ATP8A2: variants seen among roughly 807,000 people sequenced by gnomAD.
The protein encoded by ATP8A2 is ATPase phospholipid transporting 8A2, also known as phospholipid-transporting ATPase IB.
Under a neutral mutation model 165.6 loss-of-function variants are expected in ATP8A2, and 100 were observed. The ratio of observed to expected loss-of-function variants is 0.60; its 90% CI spans 0.51 to 0.71. The LOEUF is 0.71. Ranked by LOEUF, ATP8A2 falls within the 30% of genes least tolerant of loss-of-function variation. The pLI is 0.00. For missense variants in ATP8A2, 1,227 were observed against 1,479.5 expected (o/e 0.83, Z 2.80); for synonymous variants, 543 against 548.8 (o/e 0.99, Z 0.15).
At chr13:25,912,216 TAAAA>T (rs1954132899) in intron 33 of ATP8A2, among the ~76,000 whole-genome samples, 2 of 149,850 alleles carry the variant, frequency 1.3e-5, no homozygotes, top group African/African-American at 4.9e-5. Flanking sequence ...TCTTCAGCCT[TAAAA>T]AAGAGATTTA....
intron 29 of ATP8A2, among the ~76,000 whole-genome samples, chr13:25,838,787 G>A (rs192639642): frequency 2.1e-3 from 318 of 152,108 alleles, no homozygotes; most frequent in African/African-American, 7.0e-3. Context: ...CAAGATGGCC[G>A]AATAGGAATA....
chr13:25,923,473 A>C (rs943681392), intron 33 of ATP8A2, among the ~76,000 whole-genome samples: 1 of 152,102 alleles, frequency 6.6e-6, no homozygotes, highest in Non-Finnish European at 1.5e-5. Context: ...ACCTTTTTCA[A>C]CTTAAGAAAA....
chr13:25,563,079 T>C (rs930132570), intron 15 of ATP8A2, among the ~76,000 whole-genome samples: 2 of 152,244 alleles, frequency 1.3e-5, no homozygotes, highest in Non-Finnish European at 2.9e-5. Flanking sequence ...TCTGCTGTCA[T>C]GTCTTCTTTC....
At chr13:25,483,011 G>A (rs1174074131) in intron 2 of ATP8A2, among the ~76,000 whole-genome samples, 1 of 152,240 alleles carries the variant, frequency 6.6e-6, no homozygotes, top group Non-Finnish European at 1.5e-5. Context: ...CAGGCTACTG[G>A]AGACGGGCTG....
At chr13:25,413,653 G>C (rs140431937) in intron 1 of ATP8A2, among the ~76,000 whole-genome samples, 1,777 of 152,266 alleles carry the variant, frequency 0.012, 32 homozygotes, top group African/African-American at 0.041. Context: ...CTTAAGTGTA[G>C]TGTGGAGTTC....
chr13:25,488,609 C>T (rs150102921), intron 2 of ATP8A2, among the ~76,000 whole-genome samples: 2,725 of 152,110 alleles, frequency 0.018, 24 homozygotes, highest in Middle Eastern at 0.037. Flanking sequence ...TGGTGGCATG[C>T]GCCTGTAGTC....
intron 35 of ATP8A2, among the ~76,000 whole-genome samples, chr13:26,008,246 T>C (rs1395851113): frequency 6.6e-6 from 1 of 152,158 alleles, no homozygotes; most frequent in Non-Finnish European, 1.5e-5. Flanking sequence ...GTCTGAAAGA[T>C]TCTATAAAAT....
chr13:25,420,080 G>A (rs879882916), intron 1 of ATP8A2, among the ~76,000 whole-genome samples: 3 of 152,218 alleles, frequency 2.0e-5, no homozygotes, highest in Non-Finnish European at 4.4e-5. Context: ...AAGGGTTTCT[G>A]TGTAAAATCA....
At chr13:26,010,333 C>G (rs879906056) in intron 35 of ATP8A2, among the ~76,000 whole-genome samples, 3 of 152,142 alleles carry the variant, frequency 2.0e-5, no homozygotes, top group Non-Finnish European at 2.9e-5. Context: ...TCTGGGATGG[C>G]CAGGGTGGTT....
intron 6 of ATP8A2, among the ~76,000 whole-genome samples, chr13:25,535,403 G>A (rs1330001267): frequency 6.6e-6 from 1 of 152,194 alleles, no homozygotes; most frequent in Non-Finnish European, 1.5e-5. Flanking sequence ...TCAAAATTAA[G>A]AGACTTGAGG....
intron 25 of ATP8A2, among the ~76,000 whole-genome samples, chr13:25,725,259 G>A (rs957940790): frequency 2.6e-5 from 4 of 152,218 alleles, no homozygotes; most frequent in South Asian, 2.1e-4. Flanking sequence ...CTGTGAGCAC[G>A]TGTCTGTACT....
intron 13 of ATP8A2, among the ~76,000 whole-genome samples, chr13:25,557,233 A>G (rs1310051024): frequency 1.3e-5 from 2 of 152,180 alleles, no homozygotes; most frequent in Non-Finnish European, 2.9e-5. Flanking sequence ...ATGGATTGTT[A>G]TTACAGAGAA....
intron 25 of ATP8A2, among the ~76,000 whole-genome samples, chr13:25,708,593 A>C (rs2043099315): frequency 6.6e-6 from 1 of 152,100 alleles, no homozygotes; most frequent in South Asian, 2.1e-4. Context: ...TGACTTTAAA[A>C]ACCATAAAAA....
At chr13:25,714,829 T>C (rs2043222430) in intron 25 of ATP8A2, among the ~76,000 whole-genome samples, 1 of 152,186 alleles carries the variant, frequency 6.6e-6, no homozygotes, top group Non-Finnish European at 1.5e-5. Context: ...TTTATCTCCA[T>C]GTTCTTGGCT....
intron 2 of ATP8A2, among the ~76,000 whole-genome samples, chr13:25,505,670 A>G (rs1404690105): frequency 1.3e-5 from 2 of 152,208 alleles, no homozygotes; most frequent in African/African-American, 2.4e-5. Context: ...AGGTCTGGAC[A>G]TTACCAGGAG....
intron 24 of ATP8A2, among the ~76,000 whole-genome samples, chr13:25,595,897 C>G (rs2040224541): frequency 6.6e-6 from 1 of 151,946 alleles, no homozygotes; most frequent in Admixed American, 6.6e-5. Context: ...TCATTCAAAC[C>G]AATACATGTG....
chr13:25,415,596 C>T (rs1456067728), intron 1 of ATP8A2, among the ~76,000 whole-genome samples: 55 of 152,166 alleles, frequency 3.6e-4, no homozygotes, highest in Non-Finnish European at 4.4e-5. Flanking sequence ...TCTATGTGGT[C>T]CAGCTCTTGA....
chr13:25,594,429 A>T (rs1005039734), intron 24 of ATP8A2, among the ~76,000 whole-genome samples: 9 of 151,994 alleles, frequency 5.9e-5, no homozygotes, highest in South Asian at 2.1e-4. Context: ...TATTTAAAAA[A>T]TTTTTTATTT....
chr13:25,870,498 A>G (rs537102665), intron 33 of ATP8A2, among the ~76,000 whole-genome samples: 2 of 152,132 alleles, frequency 1.3e-5, no homozygotes, highest in Non-Finnish European at 2.9e-5. Context: ...TATCACAATT[A>G]CTACATATCA....
Sources: gnomAD v4.1 joint callset for allele counts (sites outside exome capture counted in the v4.1 genomes callset) on GRCh38, gnomAD v4.1.1 for gene constraint, MANE v1.5 for transcripts, NCBI Gene and HGNC (gene_info 2026-07-23, HGNC 2026-07-21) for gene names.